SGSM1: variants seen among roughly 807,000 people sequenced by gnomAD.
SGSM1 encodes the protein RUN and TBC1 domain containing 2.
In SGSM1, 73 loss-of-function variants were observed where a neutral mutation model predicts 133.8. The ratio of observed to expected loss-of-function variants is 0.55; its 90% CI spans 0.45 to 0.66. SGSM1 has a LOEUF of 0.66. SGSM1 is among the 30% of genes least tolerant of loss of function. SGSM1 has a pLI of 0.00. For missense variants in SGSM1, 1,213 were observed against 1,448.1 expected (o/e 0.84, Z 2.64); for synonymous variants, 563 against 573.0 (o/e 0.98, Z 0.25).
At chr22:24,844,763 G>C in intron 2 of SGSM1, 134 bp from the exon 3 acceptor site, 1 of 641,042 alleles carries the variant, frequency 1.6e-6, no homozygotes, top group African/African-American at 1.8e-5. Flanking sequence ...GAGGGGGAAG[G>C]AAAGCAGGTG....
chr22:24,823,842 C>A (rs923569989), intron 2 of SGSM1, among the ~76,000 whole-genome samples: 1 of 150,606 alleles, frequency 6.6e-6, no homozygotes, highest in Non-Finnish European at 1.5e-5. Context: ...CCCAGGAGTT[C>A]GAGGCTGCCG....
At chr22:24,876,758 T>C in intron 13 of SGSM1, 43 bp downstream of exon 13, 1 of 1,612,634 alleles carries the variant, frequency 6.2e-7, no homozygotes, top group Non-Finnish European at 8.5e-7. Context: ...CTGAAGGATG[T>C]ACCAGAGATC....
chr22:24,895,782 A>C (rs1465695546), intron 18 of SGSM1, among the ~76,000 whole-genome samples: 1 of 152,190 alleles, frequency 6.6e-6, no homozygotes, highest in Non-Finnish European at 1.5e-5. Flanking sequence ...ATGGTAGTTC[A>C]CACTTGTAAT....
intron 2 of SGSM1, among the ~76,000 whole-genome samples, chr22:24,810,429 C>T (rs185233396): frequency 6.6e-5 from 10 of 151,942 alleles, no homozygotes; most frequent in Admixed American, 3.3e-4. Context: ...TTAAATCTGA[C>T]CAGCTCTATC....
At chr22:24,833,256 T>G (rs1296315988) in intron 2 of SGSM1, among the ~76,000 whole-genome samples, 2 of 151,770 alleles carry the variant, frequency 1.3e-5, no homozygotes. Flanking sequence ...ATAAGGACAC[T>G]TATAATCATA....
At chr22:24,898,941 G>A (rs544056111) in intron 19 of SGSM1, among the ~76,000 whole-genome samples, 136 of 146,944 alleles carry the variant, frequency 9.3e-4, no homozygotes, top group Non-Finnish European at 1.7e-3. Flanking sequence ...GCAAGAGAAT[G>A]GCGTGAACCC....
rs1451215735 is a variant in SGSM1, at chr22:24,855,419, C to G, written c.658C>G (p.Pro220Ala). The G allele has an allele frequency of 6.2e-7, 1 of 1,613,520 alleles. No homozygotes were observed. Among genetic ancestry groups the G allele is most frequent in the South Asian group, 1.1e-5 (1 of 91,038 alleles). ...GCGGCAGGACTCGCCCACCAAGCGT[C>G]CTGCCCTCTGTGTGAGTGGGGTGGA... ...HVRQDSPTKR[P>A]ALCIQKRHSS... Residue 220 changes from proline (P) to alanine (A), a missense_variant, in exon 7 of 25, where the codon CCT becomes GCT. Coordinates refer to ENST00000400358, the MANE Select transcript of SGSM1 (RefSeq NM_001098497.3).
At chr22:24,855,924 T>C (rs1079763) in intron 8 of SGSM1, 14,568 of 677,134 alleles carry the variant, frequency 0.022, 302 homozygotes, top group East Asian at 0.067. Flanking sequence ...CATCCATCCA[T>C]CCACCCATCT....
At chr22:24,838,916 A>G (rs1021128014) in intron 2 of SGSM1, among the ~76,000 whole-genome samples, 3 of 101,154 alleles carry the variant, frequency 3.0e-5, no homozygotes, top group Non-Finnish European at 5.8e-5. Context: ...TAGGATAGAT[A>G]TTTATGTTTC....
In SGSM1 at chr22:24,815,732, G is replaced by C. The variant is rs1031283797; in HGVS notation, c.63+9248G>C. Among the ~76,000 whole-genome samples, 4 of 152,130 alleles carry C rather than the reference G, an allele frequency of 2.6e-5. 1 individual carries two copies. The highest frequency in any genetic ancestry group is 1.3e-4 in the Admixed American group (2 of 15,268). On this transcript the variant is annotated intron_variant, in intron 2 of 24. Coordinates refer to ENST00000400358, the MANE Select transcript of SGSM1 (RefSeq NM_001098497.3). ...CTGGAGGGCGAAAGAGTGAGACTGT[G>C]TCTCAAAAAACAAACAAACTGGAAT...
chr22:24,859,918 G>A (rs1351692768), intron 9 of SGSM1, 78 bp downstream of exon 9: 1 of 1,584,620 alleles, frequency 6.3e-7, no homozygotes, highest in Non-Finnish European at 8.6e-7. Flanking sequence ...CCCGGGGGAG[G>A]GGAGGTTTGT....
intron 7 of SGSM1, 51 bp from the exon 8 acceptor site, chr22:24,855,498 C>G (rs1054387583): frequency 1.2e-6 from 2 of 1,613,078 alleles, no homozygotes; most frequent in Non-Finnish European, 1.7e-6. Flanking sequence ...GGTAGGAGCC[C>G]TGAAAATCAC....
intron 24 of SGSM1, among the ~76,000 whole-genome samples, chr22:24,921,365 G>A (rs1934001746): frequency 6.6e-6 from 1 of 152,144 alleles, no homozygotes; most frequent in African/African-American, 2.4e-5. Flanking sequence ...CTCCCAAAGT[G>A]CTGGGATTAT....
chr22:24,924,698 C>A lies in SGSM1; in HGVS notation c.*424C>A. On this transcript the variant is annotated 3_prime_UTR_variant, in exon 25 of 25. Transcript: ENST00000400358. Reference sequence around the variant, plus strand: ...AGGTGTGTGGGGCTACCTCTATGCTCCTCTGCAAGGGGCCTTTGGCGATGT... The same window carrying A: ...AGGTGTGTGGGGCTACCTCTATGCTACTCTGCAAGGGGCCTTTGGCGATGT... The A allele has an allele frequency of 5.3e-6, 1 of 188,156 alleles. No homozygotes were observed. Among genetic ancestry groups the A allele is most frequent in the Non-Finnish European group, 1.1e-5 (1 of 90,222 alleles). The allele number at this position is 188,156 out of a possible 1,614,324, so 11.7% of individuals were successfully genotyped here.
rs1455788902 is a variant in SGSM1 at position 24,905,126 on chromosome 22, G to A, written c.2757G>A (p.Glu919=). The A allele has an allele frequency of 6.2e-7, 1 of 1,613,908 alleles. No homozygotes were observed. Among genetic ancestry groups the A allele is most frequent in the Non-Finnish European group, 8.5e-7 (1 of 1,179,900 alleles). ...CTAGCTACATCTGGCAGCACATTGA[G>A]ATCGGCTATGTCCAGGGCATGTGTG... ...IMCSYIWQHI[E]IGYVQGMCDL... The change falls in exon 21 of 25, where the codon GAG becomes GAA. Residue 919 remains glutamate, a synonymous_variant. Transcript: ENST00000400358.
chr22:24,832,604 A>G (rs1183670865), intron 2 of SGSM1, among the ~76,000 whole-genome samples: 1 of 152,198 alleles, frequency 6.6e-6, no homozygotes, highest in East Asian at 1.9e-4. Context: ...GCCATCTGTT[A>G]GCTGAGTCTG....
rs1358598637 is a variant in SGSM1 at position 24,877,669 on chromosome 22, A to G, written c.1430+954A>G. Among the ~76,000 whole-genome samples the G allele has an allele frequency of 1.2e-4, 18 of 152,180 alleles. No individual in the cohort carries two copies. In the South Asian group the frequency reaches 3.7e-3, roughly 32 times the overall value. On this transcript the variant is annotated intron_variant, in intron 13 of 24. Coordinates refer to ENST00000400358, the MANE Select transcript of SGSM1 (RefSeq NM_001098497.3). Reference sequence around the variant, plus strand: ...CTCAGGGTGTGGTCCGTGAACCAGCATCAGCACCTGGGCAAATTCTGAGTC... The same window carrying G: ...CTCAGGGTGTGGTCCGTGAACCAGCGTCAGCACCTGGGCAAATTCTGAGTC...
At chr22:24,811,910 G>A (rs114176272) in intron 2 of SGSM1, among the ~76,000 whole-genome samples, 2,671 of 149,942 alleles carry the variant, frequency 0.018, 73 homozygotes, top group African/African-American at 0.063. Flanking sequence ...GGTGGCTCAT[G>A]CCTGTAACAG....
At chr22:24,860,917 AAAAAAATATATATAT>A (rs1343780932) in intron 9 of SGSM1, among the ~76,000 whole-genome samples, 4 of 105,376 alleles carry the variant, frequency 3.8e-5, no homozygotes, top group African/African-American at 1.8e-4. Context: ...AAAAAAAAAA[AAAAAAATATATATAT>A]ATATATATAT....
Sources: allele counts gnomAD v4.1 joint callset (sites outside exome capture counted in the v4.1 genomes callset), GRCh38; gene constraint gnomAD v4.1.1; transcripts MANE v1.5; gene names NCBI Gene and HGNC (gene_info 2026-07-23, HGNC 2026-07-21).